Variants in RGS7 observed in about 807,000 individuals in gnomAD.
The protein encoded by RGS7 is regulator of G protein signaling 7.
A neutral mutation model predicts 81.1 loss-of-function variants in RGS7; 27 were observed. That is an observed-to-expected ratio of 0.33 (90% CI 0.25 to 0.46). RGS7 has a LOEUF of 0.46. RGS7 is among the 20% of genes least tolerant of loss of function. The pLI, the probability that RGS7 is intolerant of heterozygous loss-of-function variation, is 1.00. For missense variants in RGS7, 396 were observed against 607.4 expected (o/e 0.65, Z 3.66); for synonymous variants, 208 against 207.7 (o/e 1.00, Z -0.01).
intron 17 of RGS7, among the ~76,000 whole-genome samples, 180 bp from the exon 18 acceptor site, chr1:240,800,901 C>A (rs1253130847): frequency 6.6e-6 from 1 of 152,064 alleles, no homozygotes; most frequent in East Asian, 1.9e-4. Flanking sequence ...GTGATTTATG[C>A]AACAGTTTTC....
intron 3 of RGS7, among the ~76,000 whole-genome samples, chr1:241,086,863 A>G (rs2063481199): frequency 6.6e-6 from 1 of 152,074 alleles, no homozygotes. Context: ...CACACCTTCG[A>G]GCTGTTGCAC....
chr1:240,896,296 C>A (rs1669080030), intron 6 of RGS7, among the ~76,000 whole-genome samples: 1 of 152,160 alleles, frequency 6.6e-6, no homozygotes. Flanking sequence ...AATTAGATCC[C>A]ATTTGTCAAT....
At chr1:240,951,448 C>T (rs1007733702) in intron 4 of RGS7, among the ~76,000 whole-genome samples, 9 of 151,606 alleles carry the variant, frequency 5.9e-5, no homozygotes, top group African/African-American at 1.7e-4. Context: ...GAAAGATATT[C>T]GAAGAAAGAA....
At chr1:241,135,677 T>C (rs2067456249) in intron 2 of RGS7, among the ~76,000 whole-genome samples, 1 of 152,072 alleles carries the variant, frequency 6.6e-6, no homozygotes, top group Non-Finnish European at 1.5e-5. Flanking sequence ...GAAAAACCCC[T>C]AACCAAAGAG....
intron 3 of RGS7, among the ~76,000 whole-genome samples, chr1:241,045,411 T>C (rs7544388): frequency 0.017 from 2,587 of 152,300 alleles, 68 homozygotes; most frequent in African/African-American, 0.06. Flanking sequence ...TCGCCCAGGC[T>C]GGAGTGCAGT....
intron 3 of RGS7, among the ~76,000 whole-genome samples, chr1:241,075,767 G>A (rs1034057758): frequency 3.9e-5 from 6 of 152,172 alleles, no homozygotes; most frequent in Admixed American, 3.3e-4. Flanking sequence ...ACAGTAGTCA[G>A]TATACCTTTA....
intron 3 of RGS7, among the ~76,000 whole-genome samples, chr1:241,077,240 T>C (rs2062854629): frequency 6.6e-6 from 1 of 152,166 alleles, no homozygotes. Flanking sequence ...AAAATCTTAA[T>C]TTACACAGAA....
At chr1:240,780,673 T>C (rs929226802) in intron 18 of RGS7, among the ~76,000 whole-genome samples, 1 of 151,912 alleles carries the variant, frequency 6.6e-6, no homozygotes, top group African/African-American at 2.4e-5. Context: ...CTCAGCACTT[T>C]GGGAGAGCAA....
At position 240,833,822 on chromosome 1, in the gene RGS7, C is replaced by T. The variant is rs112263501; in HGVS notation, c.610-6650G>A. The stretch of plus-strand genomic sequence containing the variant: ...GTCTCAGGACTTTTTTTTTTTTGGC[C>T]CAGGCTGGAATGCAGTGGTGCAATC... On this transcript the variant is annotated intron_variant, in intron 9 of 18. Coordinates refer to ENST00000440928, the MANE Select transcript of RGS7 (RefSeq NM_001364886.1). Among the ~76,000 whole-genome samples the T allele has an allele frequency of 4.7e-3, 703 of 150,908 alleles. 9 individuals carry two copies. Among genetic ancestry groups the T allele is most frequent in the African/African-American group, 0.017 (680 of 41,210 alleles).
chr1:241,152,465 TAGCAATTGCTATTTTC>T (rs2068825379), intron 2 of RGS7, among the ~76,000 whole-genome samples: 1 of 152,206 alleles, frequency 6.6e-6, no homozygotes, highest in African/African-American at 2.4e-5. Context: ...GCTTCATCAA[TAGCAATTGCTATTTTC>T]CATCACTGAA....
intron 2 of RGS7, among the ~76,000 whole-genome samples, chr1:241,211,178 G>A (rs1014795476): frequency 1.4e-4 from 22 of 152,030 alleles, no homozygotes; most frequent in South Asian, 4.1e-4. Flanking sequence ...CCAGCTACTC[G>A]GGAGGCTGAG....
intron 2 of RGS7, among the ~76,000 whole-genome samples, chr1:241,204,513 A>G (rs12125612): frequency 0.1 from 15,525 of 152,202 alleles, 1,308 homozygotes; most frequent in East Asian, 0.4. Context: ...AGGTAACTCT[A>G]GCATTCTTTT....
intron 2 of RGS7, among the ~76,000 whole-genome samples, chr1:241,254,945 C>T (rs1391112816): frequency 6.6e-6 from 1 of 152,154 alleles, no homozygotes; most frequent in Non-Finnish European, 1.5e-5. Context: ...AATTTCAGAA[C>T]TGGGCAAGTA....
intron 3 of RGS7, among the ~76,000 whole-genome samples, chr1:240,996,123 T>A (rs1687249613): frequency 1.3e-5 from 2 of 152,218 alleles, no homozygotes; most frequent in African/African-American, 4.8e-5. Flanking sequence ...CTCATTGATT[T>A]CTAATTTGAT....
chr1:241,345,194 T>C (rs886796234), intron 2 of RGS7, among the ~76,000 whole-genome samples: 2 of 152,082 alleles, frequency 1.3e-5, no homozygotes, highest in Non-Finnish European at 2.9e-5. Flanking sequence ...TGAGAACACA[T>C]GGACACATAG....
intron 2 of RGS7, among the ~76,000 whole-genome samples, chr1:241,211,034 C>G (rs2074212947): frequency 1.3e-5 from 2 of 152,122 alleles, no homozygotes; most frequent in Non-Finnish European, 1.5e-5. Context: ...CCTGTAATCC[C>G]AGCACTTTGG....
chr1:240,980,183 T>C (rs984999960), intron 4 of RGS7, among the ~76,000 whole-genome samples: 2 of 152,220 alleles, frequency 1.3e-5, no homozygotes, highest in Admixed American at 1.3e-4. Flanking sequence ...AAATGTGTCC[T>C]GGATTGCTGT....
chr1:240,835,370 C>A (rs1006383165), intron 9 of RGS7, among the ~76,000 whole-genome samples: 14 of 152,084 alleles, frequency 9.2e-5, no homozygotes, highest in Admixed American at 7.9e-4. Context: ...ATTGGGAAAA[C>A]GCAAATTGAA....
chr1:241,097,488 C>T (rs191526046), intron 3 of RGS7, among the ~76,000 whole-genome samples: 4 of 152,094 alleles, frequency 2.6e-5, no homozygotes, highest in Admixed American at 6.5e-5. Context: ...TGATCTCTAC[C>T]CTCTTCCTAG....
Sources: gnomAD v4.1 joint callset for allele counts (sites outside exome capture counted in the v4.1 genomes callset) on GRCh38, gnomAD v4.1.1 for gene constraint, MANE v1.5 for transcripts, NCBI Gene and HGNC (gene_info 2026-07-23, HGNC 2026-07-21) for gene names.